The following EMCN variants were observed in gnomAD, a reference collection of about 807,000 sequenced individuals.
The protein encoded by EMCN is endomucin.
Under a neutral mutation model 38.4 loss-of-function variants are expected in EMCN, and 37 were observed. The ratio of observed to expected loss-of-function variants is 0.96; its 90% confidence interval spans 0.74 to 1.27. EMCN has a LOEUF of 1.27. Among genes scored for constraint, EMCN ranks in the 50% most tolerant of loss-of-function variants. EMCN has a pLI of 0.00. For synonymous variants in EMCN, 95 were observed against 100.8 expected, an observed-to-expected ratio of 0.94 and a Z score of 0.35; for missense variants, 318 against 302.8, an observed-to-expected ratio of 1.05 and a Z score of -0.37.
At chr4:100,432,571 A>G (rs1727233104) in intron 5 of EMCN, among the ~76,000 whole-genome samples, 3 of 152,190 alleles carry the variant, frequency 2.0e-5, no homozygotes, top group Admixed American at 2.0e-4. Context: ...ACCATTCTGT[A>G]TAGTTAGCAT....
rs116187686 is a variant in EMCN at position 100,474,556 on chromosome 4, T to C, written c.259+482A>G. The stretch of plus-strand genomic sequence containing the variant: ...ACAAAAACTTGCACATAAATGTTCA[T>C]AGCAGCATTATTTATAATCATTAGC... On this transcript the variant is annotated intron_variant, in intron 3 of 11. Transcript: ENST00000296420. 6.6e-3 allele frequency among the ~76,000 whole-genome samples: 1,011 copies of C among 152,318 alleles called. 12 individuals are homozygous for C. The highest frequency in any genetic ancestry group is 0.023 in the African/African-American group (955 of 41,574).
intron 5 of EMCN, among the ~76,000 whole-genome samples, chr4:100,437,446 CT>C (rs1414435734): frequency 1.2e-5 from 1 of 83,104 alleles, no homozygotes; most frequent in Non-Finnish European, 2.3e-5. Context: ...GTGGCCTGAG[CT>C]TTTGGTCTGA....
chr4:100,505,281 T>C (rs1348480720), intron 1 of EMCN, among the ~76,000 whole-genome samples: 1 of 152,178 alleles, frequency 6.6e-6, no homozygotes, highest in East Asian at 1.9e-4. Flanking sequence ...CTTGTGTCTT[T>C]ATTTCTACAA....
chr4:100,490,084 G>A (rs1023216662), intron 1 of EMCN, among the ~76,000 whole-genome samples: 6 of 151,714 alleles, frequency 4.0e-5, no homozygotes, highest in African/African-American at 1.2e-4. Flanking sequence ...AGATGTGGAG[G>A]TGAAAGAGAG....
intron 5 of EMCN, among the ~76,000 whole-genome samples, chr4:100,429,113 C>T (rs1296161883): frequency 6.6e-6 from 1 of 152,052 alleles, no homozygotes; most frequent in Non-Finnish European, 1.5e-5. Context: ...AAACAGGCCC[C>T]TTCTAAGAGT....
At chr4:100,479,219 A>G (rs991398777) in intron 2 of EMCN, among the ~76,000 whole-genome samples, 24 of 152,256 alleles carry the variant, frequency 1.6e-4, no homozygotes, top group Non-Finnish European at 2.8e-4. Flanking sequence ...GGGTCTTTCT[A>G]TGACCTTAGC....
chr4:100,465,220 T>C (rs186030103), intron 4 of EMCN, among the ~76,000 whole-genome samples: 1 of 152,300 alleles, frequency 6.6e-6, no homozygotes, highest in African/African-American at 2.4e-5. Flanking sequence ...TAATCTTCCT[T>C]GTGACCCATT....
intron 4 of EMCN, among the ~76,000 whole-genome samples, chr4:100,449,948 A>C (rs1727791937): frequency 6.6e-6 from 1 of 152,018 alleles, no homozygotes; most frequent in South Asian, 2.1e-4. Context: ...TAAAAATGAT[A>C]AAGTGTTTTT....
At chr4:100,411,473 G>A (rs960967575) in intron 10 of EMCN, among the ~76,000 whole-genome samples, 3 of 151,842 alleles carry the variant, frequency 2.0e-5, no homozygotes, top group Admixed American at 6.6e-5. Context: ...TCTTCCTCAA[G>A]GTCTGTTTAA....
At chr4:100,458,132 C>T (rs929905076) in intron 4 of EMCN, among the ~76,000 whole-genome samples, 1 of 151,884 alleles carries the variant, frequency 6.6e-6, no homozygotes, top group Admixed American at 6.6e-5. Flanking sequence ...AAAAGTGTTT[C>T]CTTCTCTTTA....
intron 11 of EMCN, among the ~76,000 whole-genome samples, chr4:100,405,335 G>A (rs942843003): frequency 6.6e-6 from 1 of 152,062 alleles, no homozygotes; most frequent in Admixed American, 6.6e-5. Context: ...CATTCAGTCT[G>A]ATGTTGGTTG....
At chr4:100,429,886 G>A (rs886969173) in intron 5 of EMCN, among the ~76,000 whole-genome samples, 3 of 152,070 alleles carry the variant, frequency 2.0e-5, no homozygotes, top group African/African-American at 7.2e-5. Flanking sequence ...TTAACAGTAA[G>A]TGCAAGGCTA....
At chr4:100,464,256 G>A (rs906497130) in intron 4 of EMCN, among the ~76,000 whole-genome samples, 13 of 151,710 alleles carry the variant, frequency 8.6e-5, no homozygotes, top group Non-Finnish European at 1.5e-4. Context: ...TATATCCTGT[G>A]CTACAAACCG....
At chr4:100,423,480 A>G in intron 5 of EMCN, 76 bp from the exon 6 acceptor site, 1 of 1,044,784 alleles carries the variant, frequency 9.6e-7, no homozygotes, top group Non-Finnish European at 1.5e-6. Flanking sequence ...AGATTCAAAC[A>G]GTTTGCTTTT....
chr4:100,402,595 C>T (rs1334227102), intron 11 of EMCN, among the ~76,000 whole-genome samples: 1 of 152,138 alleles, frequency 6.6e-6, no homozygotes, highest in Admixed American at 6.6e-5. Context: ...CCATTACTTT[C>T]TGATCTTTAC....
intron 2 of EMCN, among the ~76,000 whole-genome samples, chr4:100,479,188 A>G (rs1003608135): frequency 9.9e-5 from 15 of 152,162 alleles, no homozygotes; most frequent in African/African-American, 3.4e-4. Context: ...TTATCCATTC[A>G]TCAAGATATA....
intron 1 of EMCN, among the ~76,000 whole-genome samples, chr4:100,496,607 T>C (rs1272743848): frequency 6.6e-6 from 1 of 152,116 alleles, no homozygotes. Context: ...ACAAATAATG[T>C]GAAAAAAGTA....
chr4:100,419,557 A>G (rs1465715969), intron 8 of EMCN, among the ~76,000 whole-genome samples: 2 of 152,140 alleles, frequency 1.3e-5, no homozygotes, highest in African/African-American at 4.8e-5. Flanking sequence ...AAATCTTCCT[A>G]TGTAAAGTAA....
chr4:100,441,366 T>C (rs1023653139), intron 5 of EMCN, among the ~76,000 whole-genome samples: 3 of 152,190 alleles, frequency 2.0e-5, no homozygotes, highest in Non-Finnish European at 4.4e-5. Flanking sequence ...AATATCTTCT[T>C]CCATTGCTTT....
Sources: gnomAD v4.1 joint callset for allele counts (sites outside exome capture counted in the v4.1 genomes callset) on GRCh38, gnomAD v4.1.1 for gene constraint, MANE v1.5 for transcripts, NCBI Gene and HGNC (gene_info 2026-07-23, HGNC 2026-07-21) for gene names.